The following MRPL38 variants were observed in gnomAD, a reference collection of about 807,000 sequenced individuals.
MRPL38 encodes the protein large ribosomal subunit protein mL38.
A neutral mutation model predicts 52.1 loss-of-function variants in MRPL38; 51 were observed. The ratio of observed to expected loss-of-function variants is 0.98; its 90% CI spans 0.78 to 1.24. The LOEUF is 1.24. MRPL38 is among the 50% of genes most tolerant of loss of function. MRPL38 has a pLI of 0.00. For missense variants in MRPL38, 527 were observed against 518.6 expected (o/e 1.02, Z -0.16); for synonymous variants, 245 against 212.7 (o/e 1.15, Z -1.32).
At chr17:75,899,338 C>T in intron 7 of MRPL38, 44 bp from the exon 8 acceptor site, 2 of 1,596,096 alleles carry the variant, frequency 1.3e-6, no homozygotes, top group East Asian at 2.2e-5. Flanking sequence ...AGTGGGGCAC[C>T]AGAGCCCCTC....
At chr17:75,904,768 C>CGGG in intron 1 of MRPL38, 41 bp downstream of exon 1, 4 of 1,056,370 alleles carry the variant, frequency 3.8e-6, no homozygotes, top group Non-Finnish European at 5.0e-6. Context: ...GCTCGGGCGA[C>CGGG]AGCCCCCCCC....
chr17:75,904,471 G>C, intron 2 of MRPL38, 69 bp downstream of exon 2: 1 of 1,448,720 alleles, frequency 6.9e-7, no homozygotes, highest in East Asian at 2.5e-5. Flanking sequence ...CCCAGCGCCC[G>C]GGGAAAACGC....
At chr17:75,899,135 T>G (rs2065391834) in intron 8 of MRPL38, 23 bp downstream of exon 8, 1 of 1,588,990 alleles carries the variant, frequency 6.3e-7, no homozygotes, top group Non-Finnish European at 8.6e-7. Context: ...GCCCACCCAG[T>G]GCCCCAGCCC....
In MRPL38 at chr17:75,904,534, C is replaced by A; in HGVS notation, c.247+6G>T. On this transcript the variant is annotated splice_donor_region_variant and intron_variant, in intron 2 of 8. Transcript: ENST00000309352. ...GGCTGCAGCCCCTGCTCCAGTCGCC[C>A]CGCACCTGTCTTCTCCCCGAAATAC... The A allele has an allele frequency of 6.5e-7, 1 of 1,529,684 alleles. No individual in the cohort carries two copies. Among genetic ancestry groups the A allele is most frequent in the East Asian group, 2.3e-5 (1 of 43,128 alleles). The allele number at this position is 1,529,684 out of a possible 1,614,324, so 94.8% of individuals were successfully genotyped here. A position where few individuals can be genotyped will look rare whatever the true frequency, so the allele number is the denominator to read the frequency against.
chr17:75,903,864 G>C (rs764044498), intron 2 of MRPL38, among the ~76,000 whole-genome samples: 4 of 152,080 alleles, frequency 2.6e-5, no homozygotes, highest in Non-Finnish European at 5.9e-5. Context: ...GAGTAGCTGG[G>C]ATTACAGGCA....
chr17:75,903,525 GAC>G (rs1420469984), intron 2 of MRPL38, among the ~76,000 whole-genome samples: 1 of 152,106 alleles, frequency 6.6e-6, no homozygotes, highest in African/African-American at 2.4e-5. Flanking sequence ...TTGTAGCAAA[GAC>G]ACAATTATTT....
In MRPL38 at chr17:75,901,222, T is replaced by C. The variant is rs1314756411; in HGVS notation, c.643A>G (p.Thr215Ala). ...TYEAEEGSLW[T>A]LLLTSLDGHL... is the part of the protein sequence containing the mutation. ...CCACCCAAGCTAGTGAGTAGCAACGTCCACAAGGAGCCCTCTTCTGCCTCA... is the reference window on the plus strand; with the variant it reads ...CCACCCAAGCTAGTGAGTAGCAACGCCCACAAGGAGCCCTCTTCTGCCTCA... The change falls in exon 5 of 9, where the codon ACG becomes GCG. Residue 215 changes from threonine (T) to alanine (A), a missense_variant. Transcript: ENST00000309352. This position sits in a 1 kb window ranked among gnomAD's most constrained non-coding sequence, Gnocchi z 5.7. The C allele has an allele frequency of 6.2e-7, 1 of 1,613,584 alleles. No individual in the cohort carries two copies. Among genetic ancestry groups the C allele is most frequent in the East Asian group, 2.2e-5 (1 of 44,872 alleles).
At position 75,904,668 on chromosome 17, in the gene MRPL38, A is replaced by G. The variant is rs2065420582; in HGVS notation, c.119T>C (p.Ile40Thr). ...PPLGPMPNSD[I>T]DLSNLERLEK... ...CAGCCGCTCCAGGTTGCTCAAGTCG[A>G]TGTCACTGTTGGGCATCGGCCCCAG... is the stretch of plus-strand genomic sequence containing the variant. The change falls in exon 2 of 9, where the codon ATC (isoleucine) becomes ACC (threonine). Residue 40 changes from isoleucine to threonine, a missense_variant. Ile to Thr is a moderately conservative substitution (Grantham distance 89, BLOSUM62 -1). Transcript: ENST00000309352. 2 of 1,595,434 alleles carry G rather than the reference A, an allele frequency of 1.3e-6. No homozygotes were observed. Among genetic ancestry groups the G allele is most frequent in the Non-Finnish European group, 1.7e-6 (2 of 1,177,732 alleles).
chr17:75,899,318 G>GA, intron 7 of MRPL38, 24 bp from the exon 8 acceptor site: 1 of 1,608,610 alleles, frequency 6.2e-7, no homozygotes, highest in Non-Finnish European at 8.5e-7. Context: ...GAGAGCGTAT[G>GA]AGAGTGTGGA....
At position 75,901,199 on chromosome 17, in the gene MRPL38, A is replaced by C. The variant is rs1252140387; in HGVS notation, c.664+2T>G. On this transcript the variant is annotated splice_donor_variant, in intron 5 of 8. Transcript: ENST00000309352. LOFTEE classifies it high-confidence loss of function. The surrounding 1 kb of genome is among the most constrained non-coding windows in gnomAD (Gnocchi z 5.7). The stretch of plus-strand genomic sequence containing the variant: ...GAGGCCTGGTGAGCCCCAGACACCC[A>C]CCCAAGCTAGTGAGTAGCAACGTCC... 1 of 1,613,238 alleles carries C rather than the reference A, an allele frequency of 6.2e-7. No individual in the cohort carries two copies. The highest frequency in any genetic ancestry group is 1.3e-5 in the African/African-American group (1 of 74,974).
At chr17:75,900,736 AAAG>A (rs2065400091) in intron 6 of MRPL38, 7 of 1,309,384 alleles carry the variant, frequency 5.3e-6, no homozygotes, top group African/African-American at 1.5e-5. Context: ...AAAAAAAAAA[AAAG>A]AAAAGAAAAG....
At chr17:75,902,567 T>C (rs1328894334) in intron 2 of MRPL38, among the ~76,000 whole-genome samples, 1 of 152,208 alleles carries the variant, frequency 6.6e-6, no homozygotes, top group African/African-American at 2.4e-5. Context: ...CACATCTTCT[T>C]GGTTAAACTG....
chr17:75,898,883 C>A lies in MRPL38; in HGVS notation c.1110G>T (p.Arg370Ser). Residue 370 changes from arginine to serine, a missense_variant, in exon 9 of 9, where the codon AGG becomes AGT. Physicochemically the swap from Arg to Ser is moderately radical, Grantham distance 110. Coordinates refer to ENST00000309352, the MANE Select transcript of MRPL38 (RefSeq NM_032478.4). The stretch of plus-strand genomic sequence containing the variant: ...TGCCATAGGTGGGCTCATGACTGTC[C>A]CTGTACCGGTCCAGGTAGCGCAGGG... ...RQPLRYLDRY[R>S]DSHEPTYGIY The A allele has an allele frequency of 6.2e-7, 1 of 1,611,842 alleles. No homozygotes were observed. Among genetic ancestry groups the A allele is most frequent in the South Asian group, 1.1e-5 (1 of 90,922 alleles).
Position 75,901,001 on chromosome 17 carries a change from C to A in MRPL38, c.691G>T (p.Glu231Ter). 1 of 1,612,796 alleles carries A rather than the reference C, an allele frequency of 6.2e-7. No individual in the cohort carries two copies. The highest frequency in any genetic ancestry group is 1.7e-5 in the Admixed American group (1 of 59,932). The change falls in exon 6 of 9, where the codon GAG becomes TAG. Residue 231 changes from glutamate to a stop codon, truncating the protein, a stop_gained. Transcript: ENST00000309352. LOFTEE classifies it high-confidence loss of function. The surrounding 1 kb of genome is among the most constrained non-coding windows in gnomAD (Gnocchi z 5.7). ...ACTCACAGCAGCCAGTGGAGGTACT[C>A]AGCATCTGGCTCCAGCAGGTGCCCA... Reference protein sequence around the residue: ...LDGHLLEPDAEYLHWLLTNIP... With the variant: ...LDGHLLEPDA
intron 8 of MRPL38, 35 bp downstream of exon 8, chr17:75,899,123 A>G (rs1398526966): frequency 6.3e-7 from 1 of 1,578,096 alleles, no homozygotes; most frequent in East Asian, 2.3e-5. Flanking sequence ...CTGGGAGCTC[A>G]GGCCCACCCA....
chr17:75,904,870 C>A lies in MRPL38; in HGVS notation c.6G>T (p.Ala2=). The A allele has an allele frequency of 6.6e-7, 1 of 1,526,384 alleles. No homozygotes were observed. The highest frequency in any genetic ancestry group is 1.7e-4 in the Middle Eastern group (1 of 5,910). 94.6% of individuals were successfully genotyped at this position (1,526,384 alleles called of 1,614,324 possible). ...ACAGCGCGGCTCGCCACCAGGGCGC[C>A]GCCATCTTCCCTCCGGCCTGCGACA... M[A]APWWRAALCE... The change falls in exon 1 of 9, where the codon GCG becomes GCT. Residue 2 remains alanine, a synonymous_variant. Coordinates refer to ENST00000309352, the MANE Select transcript of MRPL38 (RefSeq NM_032478.4).
chr17:75,903,787 GCGAT>G (rs2065415942), intron 2 of MRPL38, among the ~76,000 whole-genome samples: 1 of 151,280 alleles, frequency 6.6e-6, no homozygotes, highest in African/African-American at 2.4e-5. Context: ...GTGCAATGGC[GCGAT>G]CTCGGCTCAC....
At position 75,901,390 on chromosome 17, in the gene MRPL38, G is replaced by C; in HGVS notation, c.592-117C>G. 1.0e-6 allele frequency: 1 copy of C among 999,848 alleles called. No homozygotes were observed. The highest frequency in any genetic ancestry group is 1.4e-5 in the South Asian group (1 of 72,288). The allele number at this position is 999,848 out of a possible 1,614,324, so 61.9% of individuals were successfully genotyped here. On this transcript the variant is annotated intron_variant, in intron 4 of 8. Coordinates refer to ENST00000309352, the MANE Select transcript of MRPL38 (RefSeq NM_032478.4). This position sits in a 1 kb window ranked among gnomAD's most constrained non-coding sequence, Gnocchi z 5.7. ...AAAGCCCTTGACAACCCCTGGCACA[G>C]GCAGGCAGGCAAAGGGATGCGTAGA... is the stretch of plus-strand genomic sequence containing the variant.
Position 75,901,347 on chromosome 17 carries a change from G to C in MRPL38, c.592-74C>G. 1 of 1,467,088 alleles carries C rather than the reference G, an allele frequency of 6.8e-7. No homozygotes were observed. The highest frequency in any genetic ancestry group is 9.4e-7 in the Non-Finnish European group (1 of 1,063,038). 90.9% of individuals were successfully genotyped at this position (1,467,088 alleles called of 1,614,324 possible). A position where few individuals can be genotyped will look rare whatever the true frequency, so the allele number is the denominator to read the frequency against. On this transcript the variant is annotated intron_variant, in intron 4 of 8. Transcript: ENST00000309352. The surrounding 1 kb of genome is among the most constrained non-coding windows in gnomAD (Gnocchi z 5.7). ...TGTTGCAGGGAGCCTTGGAGAAAGG[G>C]GTGCCCACTCTGACCCAAAAGCCCT...
Sources: allele counts gnomAD v4.1 joint callset (sites outside exome capture counted in the v4.1 genomes callset), GRCh38; gene constraint gnomAD v4.1.1; non-coding constraint Gnocchi (gnomAD v3.1); transcripts MANE v1.5; gene names NCBI Gene and HGNC (gene_info 2026-07-23, HGNC 2026-07-21).